Variants in TMEM87A observed in about 807,000 individuals in gnomAD.
TMEM87A encodes the protein Golgi-pH regulating cation channel.
A neutral mutation model predicts 90.0 loss-of-function variants in TMEM87A; 50 were observed. The observed-to-expected ratio is 0.56, with a 90% CI of 0.44 to 0.70. The LOEUF (loss-of-function observed/expected upper bound fraction) is 0.70, where lower values mean the gene tolerates loss of function less well. Ranked by LOEUF, TMEM87A falls within the 30% of genes least tolerant of loss-of-function variation. TMEM87A has a pLI of 0.00. For missense variants in TMEM87A, 577 were observed against 660.5 expected (o/e 0.87, Z 1.39); for synonymous variants, 226 against 226.7 (o/e 1.00, Z 0.03).
At chr15:42,242,493 G>C (rs2050889557) in intron 7 of TMEM87A, among the ~76,000 whole-genome samples, 2 of 146,990 alleles carry the variant, frequency 1.4e-5, no homozygotes, top group Non-Finnish European at 3.0e-5. Flanking sequence ...AAAAAGACAG[G>C]AGGATACACA....
Position 42,261,265 on chromosome 15 carries a change from A to G in TMEM87A, c.406-16T>C, listed in dbSNP as rs1019596978. The G allele has an allele frequency of 8.1e-6, 13 of 1,610,094 alleles. No individual in the cohort carries two copies. Among genetic ancestry groups the G allele is most frequent in the Non-Finnish European group, 1.0e-5 (12 of 1,178,292 alleles). ...CAGAAAAGGTCTATAAAAGAAACAC[A>G]AAACAAAACATTAAAGGTGTGTAAA... On this transcript the variant is annotated splice_polypyrimidine_tract_variant and intron_variant, in intron 4 of 19. Transcript: ENST00000389834.
At chr15:42,270,631 C>G (rs967099716) in intron 2 of TMEM87A, among the ~76,000 whole-genome samples, 4 of 151,940 alleles carry the variant, frequency 2.6e-5, no homozygotes, top group Non-Finnish European at 4.4e-5. Flanking sequence ...GGCAAAACAC[C>G]ACTAGATCAA....
intron 8 of TMEM87A, among the ~76,000 whole-genome samples, chr15:42,238,993 GCACACATA>G (rs542457842): frequency 1.2e-3 from 187 of 151,540 alleles, no homozygotes; most frequent in African/African-American, 3.5e-3. Context: ...ACATGTATGT[GCACACATA>G]CACACATACA....
intron 15 of TMEM87A, among the ~76,000 whole-genome samples, chr15:42,220,932 C>G (rs1367243278): frequency 6.6e-6 from 1 of 152,134 alleles, no homozygotes; most frequent in Non-Finnish European, 1.5e-5. Flanking sequence ...GCTGGGAGTA[C>G]AGGCGCCCGC....
chr15:42,247,486 G>T (rs556416654), intron 6 of TMEM87A, among the ~76,000 whole-genome samples: 70 of 152,296 alleles, frequency 4.6e-4, no homozygotes, highest in African/African-American at 1.6e-3. Context: ...AAGGGATCCA[G>T]TTTCAGCTTT....
chr15:42,245,791 C>T (rs2050961752), intron 6 of TMEM87A, among the ~76,000 whole-genome samples: 1 of 152,110 alleles, frequency 6.6e-6, no homozygotes, highest in African/African-American at 2.4e-5. Flanking sequence ...CTTGGCCTCC[C>T]TAAGTGCTAG....
chr15:42,260,958 G>C lies in TMEM87A; in HGVS notation c.504C>G (p.Thr168=). The C allele has an allele frequency of 6.2e-7, 1 of 1,605,984 alleles. No individual in the cohort carries two copies. The highest frequency in any genetic ancestry group is 1.7e-4 in the Middle Eastern group (1 of 6,024). Residue 168 remains threonine, a splice_region_variant and synonymous_variant, in exon 6 of 20, where the codon ACC becomes ACG. Transcript: ENST00000389834. ...GCCCCAAATCCCCAAATATACTTAC[G>C]GTTTTGTCTCCAATAAAGGTAAGGT... ...GTNLTFIGDK[T]AMHEPLQTWQ... is the part of the protein sequence containing the mutation.
At chr15:42,220,527 CATTCATAAGGATATGTATCAAAT>C (rs2050459363) in intron 15 of TMEM87A, among the ~76,000 whole-genome samples, 1 of 152,200 alleles carries the variant, frequency 6.6e-6, no homozygotes, top group African/African-American at 2.4e-5. Context: ...AACAAATGTT[CATTCATAAGGATATGTATCAAAT>C]AGAGTTAAGT....
chr15:42,250,236 T>C (rs2051058857), intron 6 of TMEM87A, among the ~76,000 whole-genome samples: 1 of 152,236 alleles, frequency 6.6e-6, no homozygotes. Flanking sequence ...CCAGTCTGTG[T>C]CTTTTAATTG....
chr15:42,243,207 G>A (rs982827605), intron 7 of TMEM87A, among the ~76,000 whole-genome samples: 1 of 151,932 alleles, frequency 6.6e-6, no homozygotes, highest in Non-Finnish European at 1.5e-5. Flanking sequence ...GGCGGAGCTT[G>A]CAGTGAGCCG....
At chr15:42,260,914 A>G in intron 6 of TMEM87A, 44 bp downstream of exon 6, 1 of 1,575,302 alleles carries the variant, frequency 6.3e-7, no homozygotes. Context: ...ATTTAAGAAA[A>G]CTAAAATATG....
intron 3 of TMEM87A, among the ~76,000 whole-genome samples, chr15:42,264,793 T>G (rs2051369767): frequency 6.6e-6 from 1 of 151,646 alleles, no homozygotes; most frequent in South Asian, 2.1e-4. Context: ...TTACAGATTA[T>G]TTCATCACCC....
At chr15:42,252,799 T>C (rs2051109879) in intron 6 of TMEM87A, among the ~76,000 whole-genome samples, 1 of 146,626 alleles carries the variant, frequency 6.8e-6, no homozygotes, top group Admixed American at 6.9e-5. Flanking sequence ...GGCTTCCTCT[T>C]CAAAGCATGT....
intron 6 of TMEM87A, among the ~76,000 whole-genome samples, chr15:42,247,512 C>T (rs1417692235): frequency 5.3e-5 from 8 of 152,162 alleles, no homozygotes; most frequent in Admixed American, 3.9e-4. Flanking sequence ...TATGCCTAGC[C>T]AGTTTTCCCA....
At chr15:42,230,562 G>T (rs1334723857) in intron 12 of TMEM87A, among the ~76,000 whole-genome samples, 1 of 152,170 alleles carries the variant, frequency 6.6e-6, no homozygotes, top group East Asian at 1.9e-4. Context: ...TAAAGAGCAG[G>T]AGAAAAAGAT....
intron 1 of TMEM87A, 150 bp downstream of exon 1, chr15:42,273,105 G>A: frequency 1.1e-6 from 1 of 938,580 alleles, no homozygotes; most frequent in Non-Finnish European, 1.6e-6. Context: ...ACTCCAGGGA[G>A]GTGGGTCCCA....
chr15:42,230,717 A>C (rs2050672256), intron 12 of TMEM87A, among the ~76,000 whole-genome samples: 1 of 152,234 alleles, frequency 6.6e-6, no homozygotes, highest in Admixed American at 6.5e-5. Context: ...ATAAGGGTTA[A>C]AACCTGCTGA....
chr15:42,243,261 C>T (rs1475576265), intron 7 of TMEM87A, among the ~76,000 whole-genome samples: 1 of 148,086 alleles, frequency 6.8e-6, no homozygotes, highest in Non-Finnish European at 1.5e-5. Context: ...GAGTGAGATT[C>T]CATCTCAAAA....
chr15:42,253,457 A>G (rs1404892328), intron 6 of TMEM87A, among the ~76,000 whole-genome samples: 1 of 152,186 alleles, frequency 6.6e-6, no homozygotes, highest in African/African-American at 2.4e-5. Context: ...TTTGGCAAAC[A>G]CAACCCAGGA....
Sources: gnomAD v4.1 joint callset for allele counts (sites outside exome capture counted in the v4.1 genomes callset) on GRCh38, gnomAD v4.1.1 for gene constraint, MANE v1.5 for transcripts, NCBI Gene and HGNC (gene_info 2026-07-23, HGNC 2026-07-21) for gene names.